KIF15: variants seen among roughly 807,000 people sequenced by gnomAD.
The protein encoded by KIF15 is kinesin-like protein KIF15.
In KIF15, 140 loss-of-function variants were observed where a neutral mutation model predicts 190.6. That is an observed-to-expected ratio of 0.73 (90% CI 0.64 to 0.84). The LOEUF is 0.84. Ranked by LOEUF, KIF15 falls within the 40% of genes least tolerant of loss-of-function variation. The pLI is 0.00. For missense variants in KIF15, 1,372 were observed against 1,584.4 expected, an observed-to-expected ratio of 0.87 and a Z score of 2.28; for synonymous variants, 528 against 551.3, an observed-to-expected ratio of 0.96 and a Z score of 0.59.
intron 20 of KIF15, 109 bp from the exon 21 acceptor site, chr3:44,825,930 G>A: frequency 1.0e-6 from 1 of 953,274 alleles, no homozygotes; most frequent in Non-Finnish European, 1.6e-6. Context: ...CGAGGCTTAT[G>A]TGAGTTGGGA....
intron 1 of KIF15, among the ~76,000 whole-genome samples, chr3:44,762,448 CGGA>C (rs1705192802): frequency 6.6e-6 from 1 of 152,184 alleles, no homozygotes; most frequent in African/African-American, 2.4e-5. Flanking sequence ...CTCTTTTTCA[CGGA>C]GGAGAGCACT....
chr3:44,849,008 G>A (rs1698967332), intron 32 of KIF15, among the ~76,000 whole-genome samples: 1 of 152,130 alleles, frequency 6.6e-6, no homozygotes, highest in Admixed American at 6.5e-5. Context: ...ATTAATTCAT[G>A]TAGCCTTATA....
At chr3:44,791,133 A>C (rs1180800128) in intron 7 of KIF15, among the ~76,000 whole-genome samples, 4 of 151,290 alleles carry the variant, frequency 2.6e-5, no homozygotes, top group African/African-American at 9.7e-5. Context: ...CATCTTTCTT[A>C]GTGTGTTTTG....
chr3:44,862,685 A>T (rs1464773371), intron 6 of KIF15: 1 of 150,878 alleles, frequency 6.6e-6, no homozygotes. Context: ...GACGCTGAGA[A>T]CTCCTAAACT....
At chr3:44,769,067 A>G (rs1208852012) in intron 1 of KIF15, among the ~76,000 whole-genome samples, 1 of 152,196 alleles carries the variant, frequency 6.6e-6, no homozygotes, top group Non-Finnish European at 1.5e-5. Flanking sequence ...CCTTCCCCCA[A>G]GCCCAGTCCT....
chr3:44,826,913 G>A (rs1697689368), intron 22 of KIF15: 1 of 419,686 alleles, frequency 2.4e-6, no homozygotes, highest in South Asian at 1.7e-5. Flanking sequence ...CGGTCACTAG[G>A]CTGAGAGTCA....
At position 44,786,502 on chromosome 3, in the gene KIF15, G is replaced by A. The variant is rs1424764051; in HGVS notation, c.567G>A (p.Glu189=). The change falls in exon 7 of 35, where the codon GAG becomes GAA. Residue 189 remains glutamate (E), a synonymous_variant. Coordinates refer to ENST00000326047, the MANE Select transcript of KIF15 (RefSeq NM_020242.3). ...DSASAGLYLR[E]HIKKGVFVVG... ...CATCGGCTGGACTGTACTTAAGGGA[G>A]CATATCAAGAAGGGAGTCTTTGTTG... 5.0e-6 allele frequency: 8 copies of A among 1,613,634 alleles called. No homozygotes were observed. Among genetic ancestry groups the A allele is most frequent in the Admixed American group, 1.7e-5 (1 of 60,000 alleles).
intron 16 of KIF15, among the ~76,000 whole-genome samples, chr3:44,806,824 C>T (rs1707524195): frequency 6.6e-6 from 1 of 152,134 alleles, no homozygotes; most frequent in African/African-American, 2.4e-5. Flanking sequence ...CAGCTCACTG[C>T]AACCTCCGCC....
chr3:44,848,431 G>C (rs1406914880), intron 31 of KIF15, 90 bp from the exon 32 acceptor site: 2 of 643,292 alleles, frequency 3.1e-6, no homozygotes, highest in African/African-American at 3.8e-5. Context: ...ACATGAAGGA[G>C]AATGGGCTGG....
At chr3:44,822,397 T>G (rs1697393436) in intron 20 of KIF15, among the ~76,000 whole-genome samples, 1 of 152,196 alleles carries the variant, frequency 6.6e-6, no homozygotes, top group Non-Finnish European at 1.5e-5. Context: ...GGGCTTCCCT[T>G]TGTGGGTAAC....
intron 1 of KIF15, among the ~76,000 whole-genome samples, chr3:44,772,739 A>G (rs1194642910): frequency 6.6e-6 from 1 of 152,072 alleles, no homozygotes; most frequent in African/African-American, 2.4e-5. Flanking sequence ...AGAATCAACA[A>G]ATAGCTAAGG....
intron 6 of KIF15, chr3:44,861,862 C>T (rs751153195): frequency 2.0e-6 from 3 of 1,468,452 alleles, no homozygotes; most frequent in South Asian, 1.2e-5. Flanking sequence ...AGGCTGCCAT[C>T]CAATCGCGGC....
At chr3:44,805,229 G>A in intron 15 of KIF15, 61 bp downstream of exon 15, 1 of 1,478,622 alleles carries the variant, frequency 6.8e-7, no homozygotes, top group Non-Finnish European at 9.2e-7. Context: ...TTGCTGTAGT[G>A]TTAATATCGA....
intron 24 of KIF15, among the ~76,000 whole-genome samples, chr3:44,829,684 T>C (rs1407054092): frequency 8.0e-6 from 1 of 124,690 alleles, no homozygotes; most frequent in South Asian, 2.4e-4. Context: ...TATGTATATA[T>C]ATTATAGATG....
At chr3:44,792,836 G>A (rs1399055664) in intron 7 of KIF15, among the ~76,000 whole-genome samples, 1 of 152,176 alleles carries the variant, frequency 6.6e-6, no homozygotes, top group Non-Finnish European at 1.5e-5. Flanking sequence ...GTGAGCCACC[G>A]TGCCCTGCCA....
chr3:44,820,234 C>A (rs1708202557), intron 20 of KIF15, among the ~76,000 whole-genome samples: 1 of 151,266 alleles, frequency 6.6e-6, no homozygotes, highest in Non-Finnish European at 1.5e-5. Flanking sequence ...GCATTTAGCC[C>A]ATTTACATTT....
At chr3:44,790,960 C>T (rs1349024945) in intron 7 of KIF15, among the ~76,000 whole-genome samples, 1 of 152,128 alleles carries the variant, frequency 6.6e-6, no homozygotes, top group African/African-American at 2.4e-5. Flanking sequence ...GGATTACAGG[C>T]GCGAGCCACT....
chr3:44,826,037 A>T lies in KIF15; in HGVS notation c.2550-2A>T. On this transcript the variant is annotated splice_acceptor_variant, in intron 20 of 34. Coordinates refer to ENST00000326047, the MANE Select transcript of KIF15 (RefSeq NM_020242.3). LOFTEE classifies it high-confidence loss of function. ...CATTTTTAAAATGTTTTCCTTATAA[A>T]GGTTAGAAAACGAAAAGCTGCTTGA... 1 of 1,577,430 alleles carries T rather than the reference A, an allele frequency of 6.3e-7. No individual in the cohort carries two copies. The highest frequency in any genetic ancestry group is 1.7e-4 in the Middle Eastern group (1 of 5,818).
chr3:44,864,698 G>T (rs1699301598), intron 6 of KIF15, among the ~76,000 whole-genome samples: 1 of 152,134 alleles, frequency 6.6e-6, no homozygotes, highest in African/African-American at 2.4e-5. Flanking sequence ...AAACTTTTCT[G>T]CCCTGTGTAG....
Sources: allele counts gnomAD v4.1 joint callset (sites outside exome capture counted in the v4.1 genomes callset), GRCh38; gene constraint gnomAD v4.1.1; transcripts MANE v1.5; gene names NCBI Gene and HGNC (gene_info 2026-07-23, HGNC 2026-07-21).